The following SP100 variants were observed in gnomAD, a reference collection of about 807,000 sequenced individuals.
The protein encoded by SP100 is SP100 nuclear body protein.
SP100 carries 84 observed loss-of-function variants against 130.0 expected under a neutral mutation model. The observed-to-expected ratio is 0.65, with a 90% CI of 0.54 to 0.77. SP100 has a LOEUF of 0.77. Among genes scored for constraint, SP100 ranks in the 30% least tolerant of loss-of-function variants. The pLI, the probability that SP100 is intolerant of heterozygous loss-of-function variation, is 0.00. For missense variants in SP100, 978 were observed against 1,052.2 expected, an observed-to-expected ratio of 0.93 and a Z score of 0.97; for synonymous variants, 331 against 351.7, an observed-to-expected ratio of 0.94 and a Z score of 0.66.
At chr2:230,467,282 C>A in intron 13 of SP100, 67 bp downstream of exon 13, 2 of 1,120,362 alleles carry the variant, frequency 1.8e-6, no homozygotes, top group South Asian at 2.5e-5. Context: ...GCACTGTGCT[C>A]TGAGCACACA....
chr2:230,510,747 G>A (rs1272976076), intron 23 of SP100: 5 of 256,576 alleles, frequency 1.9e-5, no homozygotes, highest in African/African-American at 4.7e-5. Context: ...TGCCCTCCTC[G>A]GCCTCCCAAA....
chr2:230,446,199 C>T (rs537226399), intron 4 of SP100, among the ~76,000 whole-genome samples: 1 of 152,322 alleles, frequency 6.6e-6, no homozygotes, highest in Non-Finnish European at 1.5e-5. Flanking sequence ...GCCCCAGCCT[C>T]CTGGGCTCTA....
chr2:230,536,488 C>T (rs892951159), intron 24 of SP100, among the ~76,000 whole-genome samples: 6 of 152,030 alleles, frequency 3.9e-5, no homozygotes, highest in Non-Finnish European at 8.8e-5. Context: ...GGAAACCAAC[C>T]GTCAGACCCC....
intron 8 of SP100, among the ~76,000 whole-genome samples, chr2:230,459,744 G>C (rs1307589643): frequency 6.6e-6 from 1 of 152,136 alleles, no homozygotes; most frequent in Non-Finnish European, 1.5e-5. Flanking sequence ...CTAGACCCCT[G>C]TCACTCTCAC....
rs532711499 is a variant in SP100 at position 230,488,540 on chromosome 2, A to G, written c.1601-5876A>G. Among the ~76,000 whole-genome samples, 175 of 152,206 alleles carry G rather than the reference A, an allele frequency of 1.1e-3. 1 individual carries two copies. The highest frequency in any genetic ancestry group is 2.2e-3 in the Admixed American group (34 of 15,290). On this transcript the variant is annotated intron_variant, in intron 17 of 28. Coordinates refer to ENST00000340126, the MANE Select transcript of SP100 (RefSeq NM_001080391.2). ...GGCATTCTCCCACCTCAGCCTCCCA[A>G]GTAGCTGGGACTACAGGCACCCGCC...
intron 24 of SP100, among the ~76,000 whole-genome samples, chr2:230,521,432 T>C (rs1418941863): frequency 6.6e-6 from 1 of 152,206 alleles, no homozygotes; most frequent in Non-Finnish European, 1.5e-5. Context: ...CCTAACTGAC[T>C]ATCTGCTTCT....
intron 18 of SP100, 76 bp downstream of exon 18, chr2:230,494,536 G>T: frequency 8.8e-7 from 1 of 1,134,458 alleles, no homozygotes. Flanking sequence ...CATCTTTGCT[G>T]CAGCCTCAGA....
intron 8 of SP100, among the ~76,000 whole-genome samples, chr2:230,456,386 T>C (rs1469513246): frequency 6.6e-6 from 1 of 152,244 alleles, no homozygotes; most frequent in Non-Finnish European, 1.5e-5. Flanking sequence ...TATGTTTTGG[T>C]GTAGTCGTGT....
rs566826694 is a variant in SP100, at chr2:230,503,661, C to T, written c.1766-525C>T. 2.0e-5 allele frequency among the ~76,000 whole-genome samples: 3 copies of T among 152,260 alleles called. No homozygotes were observed. The South Asian group carries it at 6.2e-4, about 32-fold the overall frequency. On this transcript the variant is annotated intron_variant, in intron 20 of 28. Coordinates refer to ENST00000340126, the MANE Select transcript of SP100 (RefSeq NM_001080391.2). ...AATGTGCAGTTTCTTCTAGAACCCC[C>T]CACACCAAGCTTCCCTTTTAGCGTC...
chr2:230,488,834 C>G (rs554989542), intron 17 of SP100, among the ~76,000 whole-genome samples: 1 of 152,336 alleles, frequency 6.6e-6, no homozygotes, highest in South Asian at 2.1e-4. Context: ...TATTGATCTA[C>G]ATATGTTGAA....
intron 24 of SP100, among the ~76,000 whole-genome samples, chr2:230,529,815 A>G (rs1316422113): frequency 6.6e-6 from 1 of 152,206 alleles, no homozygotes; most frequent in African/African-American, 2.4e-5. Flanking sequence ...ATCATGAGTG[A>G]ACTCCCATTC....
At chr2:230,430,873 G>A (rs1250796562) in intron 2 of SP100, among the ~76,000 whole-genome samples, 1 of 152,228 alleles carries the variant, frequency 6.6e-6, no homozygotes, top group African/African-American at 2.4e-5. Context: ...CAGGGTTAGA[G>A]ACCATACTCT....
intron 26 of SP100, 124 bp from the exon 27 acceptor site, chr2:230,541,177 T>TC (rs1692159028): frequency 8.3e-7 from 1 of 1,210,640 alleles, no homozygotes; most frequent in Admixed American, 2.3e-5. Context: ...CCAAAGAAAC[T>TC]CCCCATGCCA....
chr2:230,532,215 T>C (rs1203319851), intron 24 of SP100, among the ~76,000 whole-genome samples: 1 of 146,164 alleles, frequency 6.8e-6, no homozygotes, highest in African/African-American at 2.4e-5. Flanking sequence ...TTACGGTTCC[T>C]AGAAAAAAAT....
At chr2:230,422,246 G>A (rs1000456942) in intron 2 of SP100, among the ~76,000 whole-genome samples, 12 of 151,902 alleles carry the variant, frequency 7.9e-5, no homozygotes, top group East Asian at 1.9e-4. Context: ...TAAATTTTAC[G>A]TTTCTTCCAA....
chr2:230,457,904 T>G (rs2064366608), intron 8 of SP100, among the ~76,000 whole-genome samples: 1 of 152,234 alleles, frequency 6.6e-6, no homozygotes, highest in South Asian at 2.1e-4. Context: ...TCATACTAAC[T>G]GCCTACACTC....
chr2:230,515,115 C>A (rs1178656580), intron 24 of SP100: 15 of 1,612,906 alleles, frequency 9.3e-6, no homozygotes, highest in Non-Finnish European at 1.1e-5. Flanking sequence ...AGAAGAAGAA[C>A]CCAGATGCTT....
At chr2:230,539,425 G>C in intron 25 of SP100, 43 bp downstream of exon 25, 1 of 1,373,560 alleles carries the variant, frequency 7.3e-7, no homozygotes, top group Non-Finnish European at 1.0e-6. Flanking sequence ...TCCTTCTTGT[G>C]GTACAGCTCC....
chr2:230,501,583 G>A (rs2067026343), intron 19 of SP100, among the ~76,000 whole-genome samples: 1 of 152,170 alleles, frequency 6.6e-6, no homozygotes, highest in African/African-American at 2.4e-5. Context: ...CTAGATTGAA[G>A]GAAACATGCC....
Sources: gnomAD v4.1 joint callset for allele counts (sites outside exome capture counted in the v4.1 genomes callset) on GRCh38, gnomAD v4.1.1 for gene constraint, MANE v1.5 for transcripts, NCBI Gene and HGNC (gene_info 2026-07-23, HGNC 2026-07-21) for gene names.